The following CISTR variants were observed in gnomAD, a reference collection of about 807,000 sequenced individuals.
CISTR encodes the protein chondrogenesis-associated transcript.
rs1324825741 is a variant in CISTR, at chr12:53,751,695, G to A, written n.415-730C>T. The A allele has an allele frequency of 6.6e-6, 1 of 152,128 alleles. No homozygotes were observed. Among genetic ancestry groups the A allele is most frequent in the Non-Finnish European group, 1.5e-5 (1 of 68,120 alleles). The allele number at this position is 152,128 out of a possible 1,614,324, so 9.4% of individuals were successfully genotyped here. A position where few individuals can be genotyped will look rare whatever the true frequency, so the allele number is the denominator to read the frequency against. ...CGGGCCTGCAGGGTGCGGAGCGGGG[G>A]CGTCCCGGGGCGAGGGCAGCGGGCC... On this transcript the variant is annotated intron_variant and non_coding_transcript_variant, in intron 1 of 2. Transcript: ENST00000669269. The surrounding 1 kb of genome is among the most constrained non-coding windows in gnomAD (Gnocchi z 4.6).
intron 2 of CISTR, among the ~76,000 whole-genome samples, chr12:53,747,441 G>T (rs1316972276): frequency 6.6e-6 from 1 of 152,184 alleles, no homozygotes; most frequent in Non-Finnish European, 1.5e-5. Context: ...AGTGGGCCAA[G>T]CTCCGTGGGG....
At chr12:53,753,842 T>C (rs1937885797) in intron 1 of CISTR, among the ~76,000 whole-genome samples, 1 of 152,120 alleles carries the variant, frequency 6.6e-6, no homozygotes, top group Admixed American at 6.5e-5. Flanking sequence ...TGGGATAGGA[T>C]AGCAGTGGTG....
At chr12:53,753,077 CACACACACACACAGAG>C (rs752423578) in intron 1 of CISTR, among the ~76,000 whole-genome samples, 119 of 124,218 alleles carry the variant, frequency 9.6e-4, no homozygotes, top group Non-Finnish European at 1.9e-3. Context: ...CACACACACA[CACACACACACACAGAG>C]AGAGACACAC....
In CISTR at chr12:53,756,091, A is replaced by G. The variant is rs1258184734; in HGVS notation, n.414+723T>C. Among the ~76,000 whole-genome samples, 1 of 152,092 alleles carries G rather than the reference A, an allele frequency of 6.6e-6. No homozygotes were observed. Among genetic ancestry groups the G allele is most frequent in the Non-Finnish European group, 1.5e-5 (1 of 68,000 alleles). Reference sequence around the variant, plus strand: ...CAGGAGCTAGGGGATTTAAAGCGCAATTTCCTGTGGCCTTTTCATTTCCTG... The same window carrying G: ...CAGGAGCTAGGGGATTTAAAGCGCAGTTTCCTGTGGCCTTTTCATTTCCTG... On this transcript the variant is annotated intron_variant and non_coding_transcript_variant, in intron 1 of 2. Transcript: ENST00000669269. The surrounding 1 kb of genome is among the most constrained non-coding windows in gnomAD (Gnocchi z 4.0).
intron 2 of CISTR, among the ~76,000 whole-genome samples, chr12:53,747,831 C>T (rs74091528): frequency 2.6e-5 from 4 of 152,246 alleles, no homozygotes; most frequent in African/African-American, 9.6e-5. Context: ...CCACATCTCC[C>T]TGCACTTGTT....
intron 1 of CISTR, among the ~76,000 whole-genome samples, chr12:53,755,185 G>A (rs1385514038): frequency 6.6e-5 from 10 of 152,180 alleles, no homozygotes; most frequent in South Asian, 4.1e-4. Flanking sequence ...AGGGTGGGAC[G>A]GGAGTTATTT....
At position 53,751,148 on chromosome 12, in the gene CISTR, C is replaced by T. The variant is rs1458122872; in HGVS notation, n.415-183G>A. Among the ~76,000 whole-genome samples the T allele has an allele frequency of 6.6e-6, 1 of 152,112 alleles. No homozygotes were observed. The highest frequency in any genetic ancestry group is 1.5e-5 in the Non-Finnish European group (1 of 68,014). ...AGCAGGTGTGCCCACGCGCAATACC[C>T]TCCTGGCCCACAGGCCTCCGCACGC... On this transcript the variant is annotated intron_variant and non_coding_transcript_variant, in intron 1 of 2. Transcript: ENST00000669269. The surrounding 1 kb of genome is among the most constrained non-coding windows in gnomAD (Gnocchi z 4.6).
chr12:53,753,024 A>G (rs534424799), intron 1 of CISTR, among the ~76,000 whole-genome samples: 1 of 150,486 alleles, frequency 6.6e-6, no homozygotes, highest in Non-Finnish European at 1.5e-5. Flanking sequence ...AGAACCTCAT[A>G]CCATCATACT....
Position 53,756,894 on chromosome 12 carries a change from A to G in CISTR, n.334T>C, listed in dbSNP as rs922603534. The G allele has an allele frequency of 2.6e-5, 4 of 152,308 alleles. No homozygotes were observed. Among genetic ancestry groups the G allele is most frequent in the Non-Finnish European group, 5.9e-5 (4 of 68,030 alleles). The allele number at this position is 152,308 out of a possible 1,614,324, so 9.4% of individuals were successfully genotyped here. A position where few individuals can be genotyped will look rare whatever the true frequency, so the allele number is the denominator to read the frequency against. ...GAAGAGCGCAGGCAAGTCCTGACTTAGGGAAGCTTTTGTGAGCTGGCTCAG... is the reference window on the plus strand; with the variant it reads ...GAAGAGCGCAGGCAAGTCCTGACTTGGGGAAGCTTTTGTGAGCTGGCTCAG... On this transcript the variant is annotated non_coding_transcript_exon_variant, in exon 1 of 3. Coordinates refer to ENST00000669269, the Ensembl canonical transcript of CISTR. The surrounding 1 kb of genome is among the most constrained non-coding windows in gnomAD (Gnocchi z 4.0).
chr12:53,747,249 T>C (rs1359675424), intron 2 of CISTR, among the ~76,000 whole-genome samples: 1 of 152,150 alleles, frequency 6.6e-6, no homozygotes, highest in Non-Finnish European at 1.5e-5. Flanking sequence ...GGGAGATGGA[T>C]TGGCAGGAGC....
chr12:53,753,682 G>GTGTGTC (rs1565659686), intron 1 of CISTR, among the ~76,000 whole-genome samples: 1 of 149,968 alleles, frequency 6.7e-6, no homozygotes, highest in African/African-American at 2.5e-5. Flanking sequence ...GTGTGTGTGT[G>GTGTGTC]TGTGTGTGTG....
chr12:53,753,276 G>T (rs1018157656), intron 1 of CISTR, among the ~76,000 whole-genome samples: 1 of 152,186 alleles, frequency 6.6e-6, no homozygotes, highest in Non-Finnish European at 1.5e-5. Context: ...GAGATCCAGA[G>T]GGAGGAGCAC....
At chr12:53,747,322 C>T (rs1937793861) in intron 2 of CISTR, among the ~76,000 whole-genome samples, 1 of 152,112 alleles carries the variant, frequency 6.6e-6, no homozygotes, top group Admixed American at 6.6e-5. Context: ...TGACAGGGCT[C>T]GTTATTTGCT....
Position 53,755,274 on chromosome 12 carries a change from G to C in CISTR, n.414+1540C>G, listed in dbSNP as rs143126183. Reference sequence around the variant, plus strand: ...AGGCCAATCCCCTAGAAAAAGAATAGCAGTTGAGAGACGGCTTTCCTTTTC... The same window carrying C: ...AGGCCAATCCCCTAGAAAAAGAATACCAGTTGAGAGACGGCTTTCCTTTTC... On this transcript the variant is annotated intron_variant and non_coding_transcript_variant, in intron 1 of 2. Transcript: ENST00000669269. 5.3e-5 allele frequency among the ~76,000 whole-genome samples: 8 copies of C among 151,874 alleles called. No individual in the cohort carries two copies. The East Asian group carries it at 1.6e-3, about 29-fold the overall frequency.
In CISTR at chr12:53,756,088, G is replaced by A. The variant is rs887239939; in HGVS notation, n.414+726C>T. On this transcript the variant is annotated intron_variant and non_coding_transcript_variant, in intron 1 of 2. Transcript: ENST00000669269. The surrounding 1 kb of genome is among the most constrained non-coding windows in gnomAD (Gnocchi z 4.0). ...AACCAGGAGCTAGGGGATTTAAAGC[G>A]CAATTTCCTGTGGCCTTTTCATTTC... Among the ~76,000 whole-genome samples the A allele has an allele frequency of 6.6e-6, 1 of 152,154 alleles. No individual in the cohort carries two copies. Among genetic ancestry groups the A allele is most frequent in the Non-Finnish European group, 1.5e-5 (1 of 68,034 alleles).
chr12:53,753,079 CACACACACACAG>C (rs1565659500), intron 1 of CISTR, among the ~76,000 whole-genome samples: 4 of 124,114 alleles, frequency 3.2e-5, no homozygotes, highest in South Asian at 4.5e-4. Context: ...CACACACACA[CACACACACACAG>C]AGAGAGACAC....
At position 53,751,148 on chromosome 12, in the gene CISTR, C is replaced by A. The variant is rs1458122872; in HGVS notation, n.415-183G>T. Among the ~76,000 whole-genome samples, 2 of 152,112 alleles carry A rather than the reference C, an allele frequency of 1.3e-5. No homozygotes were observed. The highest frequency in any genetic ancestry group is 4.8e-5 in the African/African-American group (2 of 41,420). On this transcript the variant is annotated intron_variant and non_coding_transcript_variant, in intron 1 of 2. Transcript: ENST00000669269. This position sits in a 1 kb window ranked among gnomAD's most constrained non-coding sequence, Gnocchi z 4.6. ...AGCAGGTGTGCCCACGCGCAATACC[C>A]TCCTGGCCCACAGGCCTCCGCACGC...
exon 2 of CISTR, chr12:53,750,669 C>T (rs1937838363): frequency 6.5e-6 from 1 of 153,064 alleles, no homozygotes; most frequent in African/African-American, 2.4e-5. Flanking sequence ...GTCTATCCAT[C>T]TGTGTGACTG....
intron 1 of CISTR, among the ~76,000 whole-genome samples, chr12:53,754,031 G>T (rs1937888315): frequency 6.6e-6 from 1 of 150,390 alleles, no homozygotes. Context: ...GCTAGGTGGA[G>T]ACATCTGCTC....
Sources: gnomAD v4.1 joint callset for allele counts (sites outside exome capture counted in the v4.1 genomes callset) on GRCh38, gnomAD v4.1.1 for gene constraint, Gnocchi (gnomAD v3.1) non-coding constraint, MANE v1.5 for transcripts, NCBI Gene and HGNC (gene_info 2026-07-23, HGNC 2026-07-21) for gene names.